PEX11A: variants seen among roughly 807,000 people sequenced by gnomAD.
PEX11A encodes the protein peroxisomal membrane protein 11A.
A neutral mutation model predicts 14.4 loss-of-function variants in PEX11A; 13 were observed. That is an observed-to-expected ratio of 0.90 (90% CI 0.59 to 1.43). PEX11A has a LOEUF of 1.43. Among genes scored for constraint, PEX11A ranks in the 40% most tolerant of loss-of-function variants. The probability of loss-of-function intolerance (pLI) is 0.00; values close to 1 mark genes in which losing one functional copy is unlikely to be tolerated. For synonymous variants in PEX11A, 101 were observed against 113.0 expected, an observed-to-expected ratio of 0.89 and a Z score of 0.67; for missense variants, 290 against 302.8, an observed-to-expected ratio of 0.96 and a Z score of 0.31.
chr15:89,682,021 A>G lies in PEX11A; in HGVS notation c.*1356T>C, dbSNP rs1964607347. 6.5e-6 allele frequency: 1 copy of G among 152,674 alleles called. No homozygotes were observed. The highest frequency in any genetic ancestry group is 6.5e-5 in the Admixed American group (1 of 15,310). The allele number at this position is 152,674 out of a possible 1,614,324, so 9.5% of individuals were successfully genotyped here. ...TTCCACCTCCCTCAATCACCCTAGA[A>G]ATAAGATGTCTGATTTATCGTAGAA... On this transcript the variant is annotated 3_prime_UTR_variant, in exon 3 of 3. Coordinates refer to ENST00000300056, the MANE Select transcript of PEX11A (RefSeq NM_003847.3).
At position 89,685,203 on chromosome 15, in the gene PEX11A, C is replaced by CAAA. The variant is rs869275308; in HGVS notation, c.172+1225_172+1227dup. Among the ~76,000 whole-genome samples the CAAA allele has an allele frequency of 5.7e-3, 139 of 24,426 alleles. 14 individuals are homozygous for CAAA. The highest frequency in any genetic ancestry group is 0.017 in the African/African-American group (97 of 5,560). The allele number at this position is 24,426 out of a possible 152,430, so 16.0% of individuals were successfully genotyped here. Reference sequence around the variant, plus strand: ...TGGGCAACAGAGTGAGACTCCATCTCAAAAAAAAAAAAAAAAAAAAAAAAG... The same window carrying CAAA: ...TGGGCAACAGAGTGAGACTCCATCTCAAAAAAAAAAAAAAAAAAAAAAAAAAAG... On this transcript the variant is annotated intron_variant, in intron 2 of 2. Transcript: ENST00000300056.
intron 2 of PEX11A, among the ~76,000 whole-genome samples, chr15:89,685,538 G>C (rs1044313807): frequency 2.0e-5 from 3 of 151,826 alleles, no homozygotes; most frequent in Non-Finnish European, 4.4e-5. Context: ...GTTTGACAAT[G>C]ATCCTCCCAT....
At position 89,682,437 on chromosome 15, in the gene PEX11A, A is replaced by G. The variant is rs1438074376; in HGVS notation, c.*940T>C. On this transcript the variant is annotated 3_prime_UTR_variant, in exon 3 of 3. Coordinates refer to ENST00000300056, the MANE Select transcript of PEX11A (RefSeq NM_003847.3). ...AGCAATCCTTCCGCTTCAGCCTCCC[A>G]AAGTGCTGGGATTATAGGTGTGAGC... 6.6e-6 allele frequency: 1 copy of G among 152,262 alleles called. No homozygotes were observed. Among genetic ancestry groups the G allele is most frequent in the East Asian group, 1.9e-4 (1 of 5,196 alleles). The allele number at this position is 152,262 out of a possible 1,614,324, so 9.4% of individuals were successfully genotyped here.
At position 89,690,619 on chromosome 15, in the gene PEX11A, G is replaced by C; in HGVS notation, c.14C>G (p.Thr5Ser). 6.4e-7 allele frequency: 1 copy of C among 1,551,416 alleles called. No individual in the cohort carries two copies. The highest frequency in any genetic ancestry group is 8.7e-7 in the Non-Finnish European group (1 of 1,146,886). MDAF[T>S]RFTNQTQGRD... is the part of the protein sequence containing the mutation. Reference sequence around the variant, plus strand: ...GCCCTGGGTCTGGTTGGTGAAGCGGGTGAAGGCGTCCATGGCTTCTAGCCC... The same window carrying C: ...GCCCTGGGTCTGGTTGGTGAAGCGGCTGAAGGCGTCCATGGCTTCTAGCCC... The change falls in exon 1 of 3, where the codon ACC becomes AGC. Residue 5 changes from threonine to serine, a missense_variant. Physicochemically the swap from Thr to Ser is moderately conservative, Grantham distance 58. Coordinates refer to ENST00000300056, the MANE Select transcript of PEX11A (RefSeq NM_003847.3).
chr15:89,683,315 A>C lies in PEX11A; in HGVS notation c.*62T>G. 4.5e-6 allele frequency: 5 copies of C among 1,117,350 alleles called. No individual in the cohort carries two copies. Among genetic ancestry groups the C allele is most frequent in the Non-Finnish European group, 6.6e-6 (5 of 763,264 alleles). The allele number at this position is 1,117,350 out of a possible 1,614,324, so 69.2% of individuals were successfully genotyped here. ...ATGACATGGCCTGTGACTTATACAAATGTCTGTCCCACCAAGAGGCCATCT... is the reference window on the plus strand; with the variant it reads ...ATGACATGGCCTGTGACTTATACAACTGTCTGTCCCACCAAGAGGCCATCT... On this transcript the variant is annotated 3_prime_UTR_variant, in exon 3 of 3. Coordinates refer to ENST00000300056, the MANE Select transcript of PEX11A (RefSeq NM_003847.3).
Position 89,683,374 on chromosome 15 carries a change from A to C in PEX11A, c.*3T>G. 6.2e-7 allele frequency: 1 copy of C among 1,601,694 alleles called. No individual in the cohort carries two copies. Among genetic ancestry groups the C allele is most frequent in the South Asian group, 1.1e-5 (1 of 89,410 alleles). On this transcript the variant is annotated 3_prime_UTR_variant, in exon 3 of 3. Coordinates refer to ENST00000300056, the MANE Select transcript of PEX11A (RefSeq NM_003847.3). ...AGGTACTAGTTCCAAGCCTAAAAAC[A>C]CCCTAACGGGTCTTCAGCTTCATCT...
rs1964604007 is a variant in PEX11A, at chr15:89,681,773, T to C, written c.*1604A>G. The C allele has an allele frequency of 4.6e-6, 2 of 430,970 alleles. No individual in the cohort carries two copies. Among genetic ancestry groups the C allele is most frequent in the African/African-American group, 2.0e-5 (1 of 49,852 alleles). The allele number at this position is 430,970 out of a possible 1,614,324, so 26.7% of individuals were successfully genotyped here. ...TGGGAAATGTGACTTATTGAGTACA[T>C]ATTTATTTTCTCATTTCCATTCAGA... On this transcript the variant is annotated 3_prime_UTR_variant, in exon 3 of 3. Transcript: ENST00000300056.
intron 1 of PEX11A, among the ~76,000 whole-genome samples, chr15:89,688,830 C>G (rs1461541614): frequency 6.6e-6 from 1 of 152,136 alleles, no homozygotes; most frequent in Non-Finnish European, 1.5e-5. Flanking sequence ...ATTCTCCTGC[C>G]TCAGCCTCCT....
chr15:89,689,241 T>A (rs1325708071), intron 1 of PEX11A, among the ~76,000 whole-genome samples: 2 of 151,956 alleles, frequency 1.3e-5, no homozygotes, highest in Non-Finnish European at 2.9e-5. Context: ...TCTGCCATTG[T>A]AGTACCTATT....
intron 1 of PEX11A, among the ~76,000 whole-genome samples, chr15:89,688,759 A>G (rs1964722374): frequency 6.6e-6 from 1 of 150,800 alleles, no homozygotes. Context: ...TCTGTTGCCC[A>G]GGCTGGAGTG....
At chr15:89,684,113 G>A (rs1964642908) in intron 2 of PEX11A, among the ~76,000 whole-genome samples, 165 bp from the exon 3 acceptor site, 1 of 152,148 alleles carries the variant, frequency 6.6e-6, no homozygotes, top group African/African-American at 2.4e-5. Context: ...ACAGCTCACA[G>A]CAGCCTCAGT....
chr15:89,683,173 C>T lies in PEX11A; in HGVS notation c.*204G>A. 3.6e-6 allele frequency: 2 copies of T among 561,702 alleles called. No homozygotes were observed. Among genetic ancestry groups the T allele is most frequent in the Non-Finnish European group, 6.3e-6 (2 of 319,252 alleles). The allele number at this position is 561,702 out of a possible 1,614,324, so 34.8% of individuals were successfully genotyped here. The stretch of plus-strand genomic sequence containing the variant: ...AAAATATTCAGAAATTCACAAGTCA[C>T]TCCAGCACTCCAAAAACATACAACT... On this transcript the variant is annotated 3_prime_UTR_variant, in exon 3 of 3. Coordinates refer to ENST00000300056, the MANE Select transcript of PEX11A (RefSeq NM_003847.3).
In PEX11A at chr15:89,683,783, C is replaced by A. The variant is rs1321213411; in HGVS notation, c.338G>T (p.Gly113Val). Residue 113 changes from glycine (G) to valine (V), a missense_variant, in exon 3 of 3, where the codon GGC (glycine) becomes GTC (valine). By Grantham distance (109) the Gly-to-Val change is moderately radical. Coordinates refer to ENST00000300056, the MANE Select transcript of PEX11A (RefSeq NM_003847.3). ...LWVRSVGLTS[G>V]INKEKWRTRA... Reference sequence around the variant, plus strand: ...CGTTCGCCATTTCTCTTTGTTGATGCCAGAGGTGAGACCTACGCTCCTCAC... The same window carrying A: ...CGTTCGCCATTTCTCTTTGTTGATGACAGAGGTGAGACCTACGCTCCTCAC... 6.2e-7 allele frequency: 1 copy of A among 1,614,074 alleles called. No homozygotes were observed. The highest frequency in any genetic ancestry group is 1.7e-5 in the Admixed American group (1 of 60,024).
At chr15:89,683,985 A>T (rs1205501784) in intron 2 of PEX11A, 37 bp from the exon 3 acceptor site, 2 of 1,389,804 alleles carry the variant, frequency 1.4e-6, no homozygotes, top group South Asian at 1.3e-5. Context: ...CAGTTATTTC[A>T]TTAGTACACA....
At chr15:89,686,801 AGGCCTTTTGCT>A (rs1162814392) in intron 1 of PEX11A, among the ~76,000 whole-genome samples, 1 of 151,880 alleles carries the variant, frequency 6.6e-6, no homozygotes, top group Admixed American at 6.6e-5. Flanking sequence ...TGCCTCCAAA[AGGCCTTTTGCT>A]GGCACAGAGA....
In PEX11A at chr15:89,683,692, G is replaced by A. The variant is rs2141547666; in HGVS notation, c.429C>T (p.Ser143=). The change falls in exon 3 of 3, where the codon TCC becomes TCT. Residue 143 remains serine (S), a synonymous_variant. Transcript: ENST00000300056. The part of the protein sequence containing the change: ...LSLVRDLYEI[S]LQMKRVTCDR... ...CACATGTAACTCGTTTCATCTGCAGGGAGATTTCATACAGATCCCTGACCA... is the reference window on the plus strand; with the variant it reads ...CACATGTAACTCGTTTCATCTGCAGAGAGATTTCATACAGATCCCTGACCA... 1 of 1,614,080 alleles carries A rather than the reference G, an allele frequency of 6.2e-7. No individual in the cohort carries two copies. Among genetic ancestry groups the A allele is most frequent in the Non-Finnish European group, 8.5e-7 (1 of 1,180,010 alleles).
At position 89,687,599 on chromosome 15, in the gene PEX11A, C is replaced by A. The variant is rs114475640; in HGVS notation, c.57-1053G>T. 4.0e-3 allele frequency among the ~76,000 whole-genome samples: 610 copies of A among 152,246 alleles called. 2 individuals are homozygous for A. Among genetic ancestry groups the A allele is most frequent in the African/African-American group, 0.014 (567 of 41,544 alleles). On this transcript the variant is annotated intron_variant, in intron 1 of 2. Coordinates refer to ENST00000300056, the MANE Select transcript of PEX11A (RefSeq NM_003847.3). ...TGGCAATCTACTAATAAAGTAGGTGCCTGGTTCCTACTGTCTTGTAAGTGC... is the reference window on the plus strand; with the variant it reads ...TGGCAATCTACTAATAAAGTAGGTGACTGGTTCCTACTGTCTTGTAAGTGC...
Position 89,690,615 on chromosome 15 carries a change from G to A in PEX11A, c.18C>T (p.Arg6=), listed in dbSNP as rs1964817875. The A allele has an allele frequency of 1.3e-6, 2 of 1,551,424 alleles. No homozygotes were observed. Among genetic ancestry groups the A allele is most frequent in the South Asian group, 2.4e-5 (2 of 84,054 alleles). Residue 6 remains arginine (R), a synonymous_variant, in exon 1 of 3, where the codon CGC becomes CGT. Transcript: ENST00000300056. MDAFT[R]FTNQTQGRDR... ...CCCGGCCCTGGGTCTGGTTGGTGAA[G>A]CGGGTGAAGGCGTCCATGGCTTCTA...
Position 89,683,691 on chromosome 15 carries a change from G to A in PEX11A, c.430C>T (p.Leu144=). The change falls in exon 3 of 3, where the codon CTG becomes TTG. Residue 144 remains leucine (L), a synonymous_variant. Transcript: ENST00000300056. ...TCACATGTAACTCGTTTCATCTGCAGGGAGATTTCATACAGATCCCTGACC... is the reference window on the plus strand; with the variant it reads ...TCACATGTAACTCGTTTCATCTGCAAGGAGATTTCATACAGATCCCTGACC... ...SLVRDLYEIS[L]QMKRVTCDRA... 6.2e-7 allele frequency: 1 copy of A among 1,614,080 alleles called. No homozygotes were observed. Among genetic ancestry groups the A allele is most frequent in the Non-Finnish European group, 8.5e-7 (1 of 1,179,994 alleles).
Sources: allele counts gnomAD v4.1 joint callset (sites outside exome capture counted in the v4.1 genomes callset), GRCh38; gene constraint gnomAD v4.1.1; transcripts MANE v1.5; gene names NCBI Gene and HGNC (gene_info 2026-07-23, HGNC 2026-07-21).